Variants in JPH3 observed in about 807,000 individuals in gnomAD.
The protein encoded by JPH3 is junctophilin-3.
In JPH3, 11 loss-of-function variants were observed where a neutral mutation model predicts 59.6. The ratio of observed to expected loss-of-function variants is 0.18; its 90% CI spans 0.12 to 0.31. The LOEUF (loss-of-function observed/expected upper bound fraction) is 0.31. JPH3 is among the 10% of genes least tolerant of loss of function. JPH3 has a pLI of 1.00. For synonymous variants in JPH3, 673 were observed against 483.6 expected (o/e 1.39, Z -5.14); for missense variants, 1,202 against 1,105.7 (o/e 1.09, Z -1.24).
At chr16:87,647,038 T>A (rs1053405965) in intron 2 of JPH3, among the ~76,000 whole-genome samples, 1 of 152,160 alleles carries the variant, frequency 6.6e-6, no homozygotes, top group African/African-American at 2.4e-5. Flanking sequence ...GTTGTCAGCC[T>A]CTCTGGACCT....
chr16:87,685,214 A>G (rs2033388150), intron 3 of JPH3, among the ~76,000 whole-genome samples: 2 of 152,156 alleles, frequency 1.3e-5, no homozygotes, highest in African/African-American at 4.8e-5. Flanking sequence ...CCACCACTCC[A>G]AGACCTTGCC....
rs757427388 is a variant in JPH3 at position 87,644,911 on chromosome 16, G to T, written c.1036G>T (p.Gly346Cys). ...GTACAAGCAGAACATCCTCGTCGGC[G>T]GCAAGCGCAAGAACCTCATCCCCCT... ...GKYKQNILVG[G>C]KRKNLIPLRA... The change falls in exon 2 of 5, where the codon GGC becomes TGC. Residue 346 changes from glycine (G) to cysteine (C), a missense_variant. Physicochemically the swap from Gly to Cys is radical, Grantham distance 159. Transcript: ENST00000284262. The T allele has an allele frequency of 1.2e-6, 2 of 1,612,838 alleles. No individual in the cohort carries two copies. The highest frequency in any genetic ancestry group is 1.7e-6 in the Non-Finnish European group (2 of 1,179,926).
intron 1 of JPH3, among the ~76,000 whole-genome samples, chr16:87,621,613 C>T (rs931644697): frequency 2.6e-5 from 4 of 152,250 alleles, no homozygotes; most frequent in African/African-American, 9.6e-5. Flanking sequence ...ACACCCGGGA[C>T]TGTCTCAGAC....
intron 2 of JPH3, among the ~76,000 whole-genome samples, chr16:87,667,047 G>T (rs1413835196): frequency 1.3e-5 from 2 of 152,250 alleles, no homozygotes; most frequent in African/African-American, 2.4e-5. Context: ...CGAGACGAGG[G>T]TGTGGCAGGG....
intron 1 of JPH3, among the ~76,000 whole-genome samples, chr16:87,607,079 G>A (rs987270123): frequency 2.0e-5 from 3 of 152,164 alleles, no homozygotes; most frequent in Non-Finnish European, 4.4e-5. Context: ...AACACCTCCT[G>A]TTCTTTCCTC....
chr16:87,637,696 T>C (rs1295761857), intron 1 of JPH3, among the ~76,000 whole-genome samples: 2 of 150,628 alleles, frequency 1.3e-5, no homozygotes, highest in Non-Finnish European at 2.9e-5. Flanking sequence ...CTGGAGTCTA[T>C]GCTTGAAGGC....
At chr16:87,623,638 G>A (rs928584813) in intron 1 of JPH3, among the ~76,000 whole-genome samples, 14 of 152,118 alleles carry the variant, frequency 9.2e-5, no homozygotes, top group Admixed American at 7.2e-4. Context: ...CCCGAGTTCC[G>A]GACCCCCTCA....
At chr16:87,692,002 T>A (rs1457748279) in intron 4 of JPH3, among the ~76,000 whole-genome samples, 2 of 152,118 alleles carry the variant, frequency 1.3e-5, no homozygotes, top group Non-Finnish European at 2.9e-5. Context: ...TGGGGACAAG[T>A]GCCAAGCTGG....
chr16:87,674,709 G>A (rs1404061347), intron 2 of JPH3, among the ~76,000 whole-genome samples: 1 of 152,130 alleles, frequency 6.6e-6, no homozygotes, highest in East Asian at 1.9e-4. Context: ...CTTTCATTCT[G>A]TACATTGTAA....
intron 1 of JPH3, among the ~76,000 whole-genome samples, chr16:87,641,666 C>G (rs1257244009): frequency 6.6e-6 from 1 of 152,262 alleles, no homozygotes; most frequent in African/African-American, 2.4e-5. Context: ...TTGCCGATTC[C>G]TTTTTCAACG....
chr16:87,628,454 C>T (rs966389725), intron 1 of JPH3, among the ~76,000 whole-genome samples: 2 of 152,226 alleles, frequency 1.3e-5, no homozygotes, highest in Non-Finnish European at 2.9e-5. Flanking sequence ...TGATCAGAGC[C>T]GGAGCTGGCC....
At chr16:87,658,362 G>T (rs1110601) in intron 2 of JPH3, among the ~76,000 whole-genome samples, 1 of 151,058 alleles carries the variant, frequency 6.6e-6, no homozygotes, top group East Asian at 2.0e-4. Context: ...CCTTCTCCCC[G>T]CTTCTCCCCC....
chr16:87,666,335 C>T (rs538508018), intron 2 of JPH3, among the ~76,000 whole-genome samples: 66 of 151,678 alleles, frequency 4.4e-4, no homozygotes, highest in Middle Eastern at 3.4e-3. Flanking sequence ...GTGATCCGCT[C>T]CCCTCGACCT....
intron 1 of JPH3, among the ~76,000 whole-genome samples, chr16:87,634,032 T>C (rs1489317126): frequency 6.6e-6 from 1 of 152,150 alleles, no homozygotes; most frequent in African/African-American, 2.4e-5. Flanking sequence ...TTGTAATTTA[T>C]GTGCTTGTGA....
chr16:87,672,932 G>A (rs866399996), intron 2 of JPH3, among the ~76,000 whole-genome samples: 5 of 152,298 alleles, frequency 3.3e-5, no homozygotes, highest in Middle Eastern at 3.4e-3. Flanking sequence ...ATCACCTAAG[G>A]TCAGGAGTTC....
intron 2 of JPH3, among the ~76,000 whole-genome samples, chr16:87,657,962 C>A (rs762145201): frequency 6.6e-6 from 1 of 152,170 alleles, no homozygotes; most frequent in Non-Finnish European, 1.5e-5. Flanking sequence ...ACCAACCTGG[C>A]CTCACAGTGG....
intron 2 of JPH3, among the ~76,000 whole-genome samples, chr16:87,680,173 G>C (rs975368486): frequency 6.6e-5 from 10 of 152,260 alleles, no homozygotes; most frequent in African/African-American, 2.4e-4. Context: ...TTCAGTAAGG[G>C]AGGAGGCTGG....
At chr16:87,676,995 T>C (rs2033156908) in intron 2 of JPH3, among the ~76,000 whole-genome samples, 1 of 151,436 alleles carries the variant, frequency 6.6e-6, no homozygotes, top group South Asian at 2.1e-4. Context: ...CCGTCTCTAC[T>C]AAGAATACAA....
chr16:87,621,039 G>A (rs1206352745), intron 1 of JPH3, among the ~76,000 whole-genome samples: 3 of 152,194 alleles, frequency 2.0e-5, no homozygotes, highest in African/African-American at 4.8e-5. Context: ...GGCGCCTGTA[G>A]TCCCAGCTAC....
Sources: gnomAD v4.1 joint callset for allele counts (sites outside exome capture counted in the v4.1 genomes callset) on GRCh38, gnomAD v4.1.1 for gene constraint, MANE v1.5 for transcripts, NCBI Gene and HGNC (gene_info 2026-07-23, HGNC 2026-07-21) for gene names.